LRRC34: variants seen among roughly 807,000 people sequenced by gnomAD.
LRRC34 encodes leucine-rich repeat-containing protein 34.
Under a neutral mutation model 48.5 loss-of-function variants are expected in LRRC34, and 44 were observed. The observed-to-expected ratio is 0.91, with a 90% CI of 0.71 to 1.17. The LOEUF is 1.17. Among genes scored for constraint, LRRC34 ranks in the 50% most tolerant of loss-of-function variants. The pLI is 0.00. For synonymous variants in LRRC34, 192 were observed against 197.6 expected (o/e 0.97, Z 0.24); for missense variants, 502 against 563.0 (o/e 0.89, Z 1.10).
chr3:169,801,228 C>A (rs574974679), intron 6 of LRRC34, among the ~76,000 whole-genome samples: 5 of 152,204 alleles, frequency 3.3e-5, no homozygotes, highest in Non-Finnish European at 1.5e-5. Context: ...CTCCCCATAT[C>A]CGTGATGGAC....
intron 7 of LRRC34, chr3:169,797,124 G>A (rs1779021765): frequency 6.6e-6 from 2 of 305,204 alleles, no homozygotes; most frequent in Non-Finnish European, 1.2e-5. Context: ...TATTTTACAA[G>A]TGCCTGCTAC....
chr3:169,807,347 T>G, intron 4 of LRRC34, 79 bp downstream of exon 4: 1 of 1,287,156 alleles, frequency 7.8e-7, no homozygotes, highest in Middle Eastern at 2.2e-4. Flanking sequence ...CAGGTAAAAC[T>G]AGTGTTTTAT....
At chr3:169,807,292 C>T in intron 4 of LRRC34, 134 bp downstream of exon 4, 1 of 839,896 alleles carries the variant, frequency 1.2e-6, no homozygotes, top group South Asian at 1.7e-5. Context: ...AATGGGTTTC[C>T]AGTATATTTC....
Position 169,812,288 on chromosome 3 carries a change from C to A in LRRC34, c.139+122G>T, listed in dbSNP as rs9841443. On this transcript the variant is annotated intron_variant, in intron 1 of 10. Transcript: ENST00000446859. The surrounding 1 kb of genome is among the most constrained non-coding windows in gnomAD (Gnocchi z 4.3). ...GGCCACAGCTGGGGTTCCCAGGGGC[C>A]CCCCTCCCGCCTCGACGCCTTGGGC... is the stretch of plus-strand genomic sequence containing the variant. The A allele has an allele frequency of 0.47, 605,862 of 1,284,264 alleles. 146,416 individuals are homozygous for A. The highest frequency in any genetic ancestry group is 0.76 in the East Asian group (25,088 of 32,940). 79.6% of individuals were successfully genotyped at this position (1,284,264 alleles called of 1,614,324 possible). A position where few individuals can be genotyped will look rare whatever the true frequency, so the allele number is the denominator to read the frequency against.
chr3:169,804,169 G>A lies in LRRC34; in HGVS notation c.541C>T (p.Leu181=), dbSNP rs1190035349. 1 of 1,587,472 alleles carries A rather than the reference G, an allele frequency of 6.3e-7. No homozygotes were observed. The highest frequency in any genetic ancestry group is 1.2e-5 in the South Asian group (1 of 85,888). ...IAKVLHKNRT[L]KYLRMTGNKI... ...TTTCCAGTCATTCTTAGGTATTTCA[G>A]AGTCCGATTCTTCTGAAAAGGAAAA... The change falls in exon 6 of 11, where the codon CTG becomes TTG. Residue 181 remains leucine (L), a synonymous_variant. Coordinates refer to ENST00000446859, the MANE Select transcript of LRRC34 (RefSeq NM_001172779.2).
chr3:169,810,816 G>A (rs1251001251), intron 1 of LRRC34, among the ~76,000 whole-genome samples: 2 of 152,246 alleles, frequency 1.3e-5, no homozygotes, highest in Admixed American at 6.5e-5. Flanking sequence ...TGTAATCCCA[G>A]CACTTTGGGA....
In LRRC34 at chr3:169,806,872, T is replaced by A. The variant is rs527813938; in HGVS notation, c.504A>T (p.Gly168=). ...LMFNDIGPEG[G]ELIAKVLHKN... The stretch of plus-strand genomic sequence containing the variant: ...CATGTAGCACTTTAGCAATCAATTC[T>A]CCACCTTCGGGCCCAATATCATTAA... The change falls in exon 5 of 11, where the codon GGA becomes GGT. Residue 168 remains glycine (G), a synonymous_variant. Coordinates refer to ENST00000446859, the MANE Select transcript of LRRC34 (RefSeq NM_001172779.2). 1 of 1,606,266 alleles carries A rather than the reference T, an allele frequency of 6.2e-7. No individual in the cohort carries two copies. The highest frequency in any genetic ancestry group is 1.1e-5 in the South Asian group (1 of 90,142).
chr3:169,793,893 A>G (rs1778888070), intron 10 of LRRC34, 55 bp from the exon 11 acceptor site: 11 of 1,237,204 alleles, frequency 8.9e-6, no homozygotes, highest in African/African-American at 1.5e-5. Flanking sequence ...TTCAATTTAC[A>G]GTGCTTACGG....
At chr3:169,806,809 T>A (rs762932758) in intron 5 of LRRC34, 39 bp downstream of exon 5, 1 of 1,330,826 alleles carries the variant, frequency 7.5e-7, no homozygotes, top group Non-Finnish European at 1.1e-6. Flanking sequence ...AGTTAGAATT[T>A]CCAAATACAA....
chr3:169,798,830 A>T (rs1779086491), intron 7 of LRRC34, among the ~76,000 whole-genome samples: 1 of 151,948 alleles, frequency 6.6e-6, no homozygotes, highest in South Asian at 2.1e-4. Context: ...TTTGATTCTG[A>T]TTACCCTCCT....
chr3:169,796,069 T>A, intron 9 of LRRC34, 145 bp downstream of exon 9: 5 of 1,319,182 alleles, frequency 3.8e-6, no homozygotes, highest in Non-Finnish European at 4.9e-6. Context: ...AATAGAAATG[T>A]AAATGTTTAC....
chr3:169,795,985 A>G (rs1317336358), intron 9 of LRRC34: 4 of 1,228,360 alleles, frequency 3.3e-6, no homozygotes, highest in Non-Finnish European at 4.1e-6. Context: ...AATATAAGCA[A>G]TGCAAATTTT....
At chr3:169,795,009 T>C (rs931373273) in intron 10 of LRRC34, 1 of 152,222 alleles carries the variant, frequency 6.6e-6, no homozygotes, top group African/African-American at 2.4e-5. Flanking sequence ...TGTTAGTCCT[T>C]TTGCAAATTT....
chr3:169,793,862 A>G (rs774097851), intron 10 of LRRC34, 24 bp from the exon 11 acceptor site: 49 of 1,525,844 alleles, frequency 3.2e-5, no homozygotes, highest in Admixed American at 2.3e-4. Flanking sequence ...GAAAAAAACT[A>G]TATCATTAAG....
intron 7 of LRRC34, among the ~76,000 whole-genome samples, chr3:169,799,391 T>C (rs1779108840): frequency 6.6e-6 from 1 of 152,310 alleles, no homozygotes; most frequent in Admixed American, 6.5e-5. Context: ...TGGTAGCTGA[T>C]GCCTGTCATC....
intron 2 of LRRC34, among the ~76,000 whole-genome samples, chr3:169,808,315 GAAAA>G (rs796111859): frequency 1.9e-5 from 1 of 52,900 alleles, no homozygotes; most frequent in African/African-American, 5.0e-5. Context: ...CACCATCTCA[GAAAA>G]AAAAAAAAAA....
At chr3:169,804,224 G>T in intron 5 of LRRC34, 43 bp from the exon 6 acceptor site, 1 of 1,484,030 alleles carries the variant, frequency 6.7e-7, no homozygotes, top group South Asian at 1.3e-5. Context: ...TTAATCCACA[G>T]AATTCTATAT....
chr3:169,796,113 G>C (rs1778977248), intron 9 of LRRC34, 101 bp downstream of exon 9: 2 of 1,411,056 alleles, frequency 1.4e-6, no homozygotes, highest in African/African-American at 3.0e-5. Context: ...TAGAAGCTGA[G>C]TTTTCATATT....
intron 6 of LRRC34, among the ~76,000 whole-genome samples, chr3:169,803,174 G>A (rs1342160266): frequency 6.6e-6 from 1 of 152,110 alleles, no homozygotes; most frequent in East Asian, 1.9e-4. Flanking sequence ...TTCATTATCA[G>A]GCCAGGTGAA....
Sources: gnomAD v4.1 joint callset for allele counts (sites outside exome capture counted in the v4.1 genomes callset) on GRCh38, gnomAD v4.1.1 for gene constraint, Gnocchi (gnomAD v3.1) non-coding constraint, MANE v1.5 for transcripts, NCBI Gene and HGNC (gene_info 2026-07-23, HGNC 2026-07-21) for gene names.